XXYLT1: variants seen among roughly 807,000 people sequenced by gnomAD.
The protein encoded by XXYLT1 is UDP-xylose:alpha-xyloside alpha-1,3-xylosyltransferase.
A neutral mutation model predicts 28.9 loss-of-function variants in XXYLT1; 20 were observed. That is an observed-to-expected ratio of 0.69 (90% confidence interval 0.49 to 1.00). XXYLT1 has a LOEUF of 1.00. Ranked by LOEUF, XXYLT1 falls within the 50% of genes least tolerant of loss-of-function variation. The pLI, the probability that XXYLT1 is intolerant of heterozygous loss-of-function variation, is 0.00. For synonymous variants in XXYLT1, 257 were observed against 253.8 expected, an observed-to-expected ratio of 1.01 and a Z score of -0.12; for missense variants, 542 against 560.1, an observed-to-expected ratio of 0.97 and a Z score of 0.33.
intron 2 of XXYLT1, among the ~76,000 whole-genome samples, chr3:195,217,780 C>CA (rs1225175487): frequency 1.3e-5 from 2 of 150,926 alleles, no homozygotes; most frequent in Non-Finnish European, 3.0e-5. Flanking sequence ...ATCAAGCTAC[C>CA]AATGACTTTC....
At chr3:195,083,112 G>C (rs141671115) in intron 3 of XXYLT1, among the ~76,000 whole-genome samples, 1 of 152,182 alleles carries the variant, frequency 6.6e-6, no homozygotes, top group African/African-American at 2.4e-5. Context: ...GGCCCCCAGC[G>C]TCTCTTCCTG....
chr3:195,082,995 T>C (rs116611894), intron 3 of XXYLT1, among the ~76,000 whole-genome samples: 1,558 of 152,298 alleles, frequency 0.01, 13 homozygotes, highest in Non-Finnish European at 0.015. Context: ...TAAGAAGCCA[T>C]GTCTGCACAT....
At chr3:195,212,986 C>T (rs1723394986) in intron 2 of XXYLT1, among the ~76,000 whole-genome samples, 1 of 152,210 alleles carries the variant, frequency 6.6e-6, no homozygotes, top group African/African-American at 2.4e-5. Flanking sequence ...ATCCCCGGGG[C>T]CCCCACCACA....
At chr3:195,211,251 G>A (rs1459760630) in intron 2 of XXYLT1, among the ~76,000 whole-genome samples, 6 of 152,114 alleles carry the variant, frequency 3.9e-5, no homozygotes, top group Non-Finnish European at 7.4e-5. Context: ...AAAATTAGCC[G>A]GGCGTGGTGG....
intron 3 of XXYLT1, among the ~76,000 whole-genome samples, chr3:195,104,970 A>G (rs1717007248): frequency 6.6e-6 from 1 of 152,168 alleles, no homozygotes; most frequent in Non-Finnish European, 1.5e-5. Context: ...AGCTTTGGAG[A>G]CCAACAGTAT....
chr3:195,256,670 G>T lies in XXYLT1; in HGVS notation c.504+13885C>A. On this transcript the variant is annotated intron_variant, in intron 1 of 3. Coordinates refer to ENST00000310380, the MANE Select transcript of XXYLT1 (RefSeq NM_152531.5). This position sits in a 1 kb window ranked among gnomAD's most constrained non-coding sequence, Gnocchi z 4.2. ...GGAAGAGAACAGACTGTTACTCAGA[G>T]CCGGAGCGTCCCCACTCCTCTTATG... is the stretch of plus-strand genomic sequence containing the variant. 1.3e-6 allele frequency: 1 copy of T among 769,846 alleles called. No homozygotes were observed. The highest frequency in any genetic ancestry group is 1.6e-6 in the Non-Finnish European group (1 of 633,038). The allele number at this position is 769,846 out of a possible 1,614,324, so 47.7% of individuals were successfully genotyped here. A position where few individuals can be genotyped will look rare whatever the true frequency, so the allele number is the denominator to read the frequency against.
At chr3:195,079,624 C>T (rs755667132) in intron 3 of XXYLT1, among the ~76,000 whole-genome samples, 6 of 152,024 alleles carry the variant, frequency 3.9e-5, no homozygotes, top group Non-Finnish European at 5.9e-5. Flanking sequence ...AACGCTTGCC[C>T]GAGGTCAGCA....
Position 195,271,049 on chromosome 3 carries a change from G to A in XXYLT1, c.10C>T (p.Leu4Phe), listed in dbSNP as rs1215303686. MGL[L>F]RGGLPCARAM... is the part of the protein sequence containing the mutation. ...CGAGCGCATGGGAGCCCGCCTCGGA[G>A]GAGGCCCATGCGCTACGAGACCGCG... The change falls in exon 1 of 4, where the codon CTC becomes TTC. Residue 4 changes from leucine to phenylalanine, a missense_variant. Coordinates refer to ENST00000310380, the MANE Select transcript of XXYLT1 (RefSeq NM_152531.5). 2.2e-5 allele frequency: 31 copies of A among 1,430,516 alleles called. No individual in the cohort carries two copies. Among genetic ancestry groups the A allele is most frequent in the Admixed American group, 2.8e-5 (1 of 35,352 alleles). The allele number at this position is 1,430,516 out of a possible 1,614,324, so 88.6% of individuals were successfully genotyped here. A position where few individuals can be genotyped will look rare whatever the true frequency, so the allele number is the denominator to read the frequency against.
chr3:195,160,498 C>A (rs1720817420), intron 2 of XXYLT1, among the ~76,000 whole-genome samples: 1 of 152,228 alleles, frequency 6.6e-6, no homozygotes, highest in Non-Finnish European at 1.5e-5. Flanking sequence ...GGCTGAGGAC[C>A]TGGAAGCAGC....
intron 3 of XXYLT1, among the ~76,000 whole-genome samples, chr3:195,143,030 CTTTTCA>C (rs140812395): frequency 0.042 from 6,466 of 152,212 alleles, 456 homozygotes; most frequent in African/African-American, 0.15. Flanking sequence ...GTCTGGGGAT[CTTTTCA>C]TTTTCTTTCA....
intron 1 of XXYLT1, among the ~76,000 whole-genome samples, chr3:195,227,229 GTGAGAGTGTGTGATCCTCATCACAT>G (rs1724097278): frequency 6.6e-6 from 1 of 152,284 alleles, no homozygotes; most frequent in African/African-American, 2.4e-5. Context: ...TGGAAACCAC[GTGAGAGTGTGTGATCCTCATCACAT>G]TGCATGGCTA....
chr3:195,127,976 T>G (rs1309157064), intron 3 of XXYLT1, among the ~76,000 whole-genome samples: 2 of 152,040 alleles, frequency 1.3e-5, no homozygotes, highest in Admixed American at 1.3e-4. Flanking sequence ...AGCTTAAACA[T>G]CCAAACATCC....
At chr3:195,162,994 G>GTT (rs928239733) in intron 2 of XXYLT1, among the ~76,000 whole-genome samples, 1 of 151,090 alleles carries the variant, frequency 6.6e-6, no homozygotes, top group African/African-American at 2.4e-5. Context: ...TAAGTTTTTG[G>GTT]TTTTTTTTTG....
intron 3 of XXYLT1, among the ~76,000 whole-genome samples, chr3:195,107,462 A>G (rs28406394): frequency 0.67 from 57,941 of 86,524 alleles, 19,812 homozygotes; most frequent in Non-Finnish European, 0.7. Context: ...CAACAAGAGC[A>G]AAACTCCGTC....
rs1177336042 is a variant in XXYLT1, at chr3:195,109,856, CTGTG to C, written c.786-39749_786-39746del. On this transcript the variant is annotated intron_variant, in intron 3 of 3. Transcript: ENST00000310380. ...GTGCGTGTGTGTGGTGTATGTGTGC[CTGTG>C]TGTGTGGTGTATGTGTGCATGTGTG... 2.5e-4 allele frequency among the ~76,000 whole-genome samples: 4 copies of C among 15,742 alleles called. 2 individuals are homozygous for C. Among genetic ancestry groups the C allele is most frequent in the Non-Finnish European group, 8.5e-4 (4 of 4,730 alleles). 10.3% of individuals were successfully genotyped at this position (15,742 alleles called of 152,430 possible).
chr3:195,126,650 GA>G (rs5855615), intron 3 of XXYLT1, among the ~76,000 whole-genome samples: 27,493 of 152,110 alleles, frequency 0.18, 3,115 homozygotes, highest in East Asian at 0.56. Flanking sequence ...CCATTTGTGA[GA>G]AAAAGGAGAT....
chr3:195,195,114 T>C lies in XXYLT1; in HGVS notation c.652+31595A>G, dbSNP rs1370258356. On this transcript the variant is annotated intron_variant, in intron 2 of 3. Coordinates refer to ENST00000310380, the MANE Select transcript of XXYLT1 (RefSeq NM_152531.5). This position sits in a 1 kb window ranked among gnomAD's most constrained non-coding sequence, Gnocchi z 4.4. ...AAAAGGACAATGTACATAAAAATTC[T>C]CTTTAAACCATAAAACAGCAGCTGT... Among the ~76,000 whole-genome samples, 1 of 151,922 alleles carries C rather than the reference T, an allele frequency of 6.6e-6. No individual in the cohort carries two copies. Among genetic ancestry groups the C allele is most frequent in the Non-Finnish European group, 1.5e-5 (1 of 68,034 alleles).
chr3:195,241,774 A>G (rs917802580), intron 1 of XXYLT1, among the ~76,000 whole-genome samples: 3 of 151,864 alleles, frequency 2.0e-5, no homozygotes, highest in Non-Finnish European at 4.4e-5. Context: ...AAAAGTAGCT[A>G]CCACCCTCAC....
intron 3 of XXYLT1, among the ~76,000 whole-genome samples, chr3:195,145,218 G>A (rs931441876): frequency 6.6e-6 from 1 of 152,098 alleles, no homozygotes; most frequent in Non-Finnish European, 1.5e-5. Context: ...GAGAAGCAGC[G>A]GGCTTGTTTG....
Sources: gnomAD v4.1 joint callset for allele counts (sites outside exome capture counted in the v4.1 genomes callset) on GRCh38, gnomAD v4.1.1 for gene constraint, Gnocchi (gnomAD v3.1) non-coding constraint, MANE v1.5 for transcripts, NCBI Gene and HGNC (gene_info 2026-07-23, HGNC 2026-07-21) for gene names.